Variants in CADPS observed in about 807,000 individuals in gnomAD.
CADPS encodes calcium-dependent secretion activator 1.
In CADPS, 57 loss-of-function variants were observed where a neutral mutation model predicts 167.3. The ratio of observed to expected loss-of-function variants is 0.34; its 90% CI spans 0.28 to 0.42. The LOEUF (loss-of-function observed/expected upper bound fraction) is 0.42. CADPS is among the 20% of genes least tolerant of loss of function. The probability of loss-of-function intolerance (pLI) is 1.00; values close to 1 mark genes in which losing one functional copy is unlikely to be tolerated. For synonymous variants in CADPS, 676 were observed against 635.3 expected, an observed-to-expected ratio of 1.06 and a Z score of -0.96; for missense variants, 1,414 against 1,738.1, an observed-to-expected ratio of 0.81 and a Z score of 3.32.
chr3:62,779,788 T>C (rs1425225100), intron 1 of CADPS: 5 of 280,912 alleles, frequency 1.8e-5, no homozygotes, highest in Non-Finnish European at 2.8e-5. Context: ...CTCAACACAA[T>C]GTCAGTGGCA....
chr3:62,667,891 TA>T (rs1160074107), intron 3 of CADPS, among the ~76,000 whole-genome samples: 1 of 151,666 alleles, frequency 6.6e-6, no homozygotes, highest in East Asian at 1.9e-4. Flanking sequence ...GTCTGACCTC[TA>T]GGGGGATGAA....
intron 1 of CADPS, among the ~76,000 whole-genome samples, chr3:62,782,508 T>C (rs1156635803): frequency 6.6e-6 from 1 of 152,138 alleles, no homozygotes; most frequent in Non-Finnish European, 1.5e-5. Context: ...ACTTAATGTG[T>C]CATTAAAAGA....
chr3:62,423,474 T>A (rs182618478), intron 28 of CADPS, among the ~76,000 whole-genome samples: 143 of 152,334 alleles, frequency 9.4e-4, no homozygotes, highest in African/African-American at 3.2e-3. Context: ...TTGGGACACA[T>A]AGCACTCAGT....
intron 1 of CADPS, chr3:62,814,375 A>G (rs1414955532): frequency 6.6e-6 from 1 of 152,186 alleles, no homozygotes; most frequent in Non-Finnish European, 1.5e-5. Context: ...AAACATAATC[A>G]GTACACATGC....
chr3:62,489,346 G>C (rs1220936648), intron 21 of CADPS, among the ~76,000 whole-genome samples: 4 of 152,124 alleles, frequency 2.6e-5, no homozygotes, highest in Non-Finnish European at 4.4e-5. Context: ...ATTTTTAGTA[G>C]AGACGGGGTT....
chr3:62,723,828 C>T (rs913042616), intron 3 of CADPS, among the ~76,000 whole-genome samples: 23 of 152,230 alleles, frequency 1.5e-4, no homozygotes, highest in African/African-American at 5.5e-4. Flanking sequence ...CCTGCCTCTG[C>T]GGGCTCTGTC....
chr3:62,769,002 C>T (rs779153084), intron 1 of CADPS, among the ~76,000 whole-genome samples: 56 of 152,172 alleles, frequency 3.7e-4, no homozygotes, highest in East Asian at 5.8e-4. Context: ...CTTTTCTCAC[C>T]GCTAATTCAA....
chr3:62,565,018 T>TACAC (rs377053320), intron 9 of CADPS, among the ~76,000 whole-genome samples: 1 of 152,096 alleles, frequency 6.6e-6, no homozygotes, highest in Admixed American at 6.5e-5. Context: ...CTGTTCTCCT[T>TACAC]ACACACACAC....
At chr3:62,854,549 C>T (rs1378657658) in intron 1 of CADPS, among the ~76,000 whole-genome samples, 2 of 152,146 alleles carry the variant, frequency 1.3e-5, no homozygotes, top group Non-Finnish European at 2.9e-5. Context: ...AGTACTAATG[C>T]CTATCTTAAG....
At chr3:62,617,590 T>C (rs1578904718) in intron 6 of CADPS, among the ~76,000 whole-genome samples, 2 of 152,086 alleles carry the variant, frequency 1.3e-5, no homozygotes, top group East Asian at 1.9e-4. Flanking sequence ...ACATGTGTGA[T>C]GAGATTTATG....
chr3:62,529,612 G>A (rs1197101729), intron 13 of CADPS, among the ~76,000 whole-genome samples: 8 of 152,284 alleles, frequency 5.3e-5, no homozygotes, highest in African/African-American at 7.2e-5. Context: ...TACATATTGC[G>A]GTGAAGGAGA....
intron 21 of CADPS, among the ~76,000 whole-genome samples, chr3:62,483,383 G>T (rs961770198): frequency 6.8e-6 from 1 of 146,334 alleles, no homozygotes; most frequent in Non-Finnish European, 1.5e-5. Context: ...GGGGGGTGGA[G>T]GTGGGTACAT....
chr3:62,649,541 G>GTTTTTTTTTTTTTTTTTT (rs1212818484), intron 5 of CADPS, among the ~76,000 whole-genome samples: 7 of 75,008 alleles, frequency 9.3e-5, no homozygotes, highest in African/African-American at 3.4e-4. Flanking sequence ...ACAATATGTG[G>GTTTTTTTTTTTTTTTTTT]TCTTTTTTTT....
rs1381495637 is a variant in CADPS at position 62,458,365 on chromosome 3, T to A, written c.3636+7002A>T. On this transcript the variant is annotated intron_variant, in intron 26 of 29. Transcript: ENST00000383710. This position sits in a 1 kb window ranked among gnomAD's most constrained non-coding sequence, Gnocchi z 4.6. Reference sequence around the variant, plus strand: ...ACAGTCACACCTTTATCTTAATCACTCTCTAACTTTCTGGCGATAAACTTC... The same window carrying A: ...ACAGTCACACCTTTATCTTAATCACACTCTAACTTTCTGGCGATAAACTTC... Among the ~76,000 whole-genome samples the A allele has an allele frequency of 1.3e-5, 2 of 152,186 alleles. No homozygotes were observed. Among genetic ancestry groups the A allele is most frequent in the East Asian group, 3.9e-4 (2 of 5,184 alleles).
In CADPS at chr3:62,567,521, T is replaced by C. The variant is rs1378932402; in HGVS notation, c.1644+3351A>G. ...AGAGAGACTGCTGTGCCAAGTGCAA[T>C]GAGAAGCACTGAGGGGCGAGAACCA... On this transcript the variant is annotated intron_variant, in intron 9 of 29. Coordinates refer to ENST00000383710, the MANE Select transcript of CADPS (RefSeq NM_003716.4). 6.5e-5 allele frequency among the ~76,000 whole-genome samples: 9 copies of C among 138,148 alleles called. No homozygotes were observed. The Admixed American group carries it at 7.0e-4, about 11-fold the overall frequency. 90.6% of individuals were successfully genotyped at this position (138,148 alleles called of 152,430 possible).
chr3:62,703,474 TG>T (rs1394051255), intron 3 of CADPS, among the ~76,000 whole-genome samples: 4 of 152,182 alleles, frequency 2.6e-5, no homozygotes, highest in Non-Finnish European at 4.4e-5. Flanking sequence ...AGAATGCTTC[TG>T]GGAACGTCTG....
chr3:62,865,269 A>C (rs1021413221), intron 1 of CADPS, among the ~76,000 whole-genome samples: 2 of 152,116 alleles, frequency 1.3e-5, no homozygotes, highest in Non-Finnish European at 2.9e-5. Context: ...CTTAAGAGGC[A>C]TAGTAGATTC....
chr3:62,797,542 G>C (rs900466358), intron 1 of CADPS, among the ~76,000 whole-genome samples: 2 of 152,106 alleles, frequency 1.3e-5, no homozygotes, highest in Non-Finnish European at 2.9e-5. Context: ...GAGGCCATTA[G>C]CCTTAGCAAA....
intron 8 of CADPS, among the ~76,000 whole-genome samples, chr3:62,573,843 G>T (rs576911376): frequency 6.6e-6 from 1 of 152,160 alleles, no homozygotes; most frequent in Non-Finnish European, 1.5e-5. Context: ...AAGGAACCCT[G>T]GTCCTGCTTT....
Sources: allele counts gnomAD v4.1 joint callset (sites outside exome capture counted in the v4.1 genomes callset), GRCh38; gene constraint gnomAD v4.1.1; non-coding constraint Gnocchi (gnomAD v3.1); transcripts MANE v1.5; gene names NCBI Gene and HGNC (gene_info 2026-07-23, HGNC 2026-07-21).